TSPAN15: variants seen among roughly 807,000 people sequenced by gnomAD.
The protein encoded by TSPAN15 is tetraspanin-15.
Under a neutral mutation model 34.5 loss-of-function variants are expected in TSPAN15, and 20 were observed. The ratio of observed to expected loss-of-function variants is 0.58; its 90% CI spans 0.41 to 0.84. The LOEUF (loss-of-function observed/expected upper bound fraction) is 0.84, where lower values mean the gene tolerates loss of function less well. Ranked by LOEUF, TSPAN15 falls within the 40% of genes least tolerant of loss-of-function variation. TSPAN15 has a pLI of 0.00. For missense variants in TSPAN15, 313 were observed against 386.1 expected (o/e 0.81, Z 1.59); for synonymous variants, 155 against 153.9 (o/e 1.01, Z -0.05).
intron 1 of TSPAN15, among the ~76,000 whole-genome samples, chr10:69,456,552 A>T (rs568114717): frequency 1.3e-5 from 2 of 152,316 alleles, no homozygotes; most frequent in African/African-American, 4.8e-5. Flanking sequence ...GGAAACCAAG[A>T]CGCCCATCAT....
intron 5 of TSPAN15, among the ~76,000 whole-genome samples, chr10:69,501,388 G>A (rs1416970305): frequency 2.0e-5 from 3 of 152,198 alleles, no homozygotes; most frequent in Non-Finnish European, 2.9e-5. Context: ...TGACCATTGA[G>A]TCTCCCTGTG....
At chr10:69,500,530 GT>G (rs1842183461) in intron 5 of TSPAN15, among the ~76,000 whole-genome samples, 1 of 152,202 alleles carries the variant, frequency 6.6e-6, no homozygotes, top group African/African-American at 2.4e-5. Context: ...AGAGCTGAGG[GT>G]GGAGTTCCCA....
At chr10:69,507,775 G>A, downstream of TSPAN15, 1 of 686,344 alleles carries the variant, frequency 1.5e-6, no homozygotes, top group Non-Finnish European at 2.0e-6. Context: ...TGCATGGGGT[G>A]AAGATTTGGC....
intron 1 of TSPAN15, among the ~76,000 whole-genome samples, chr10:69,477,196 A>G (rs1841633643): frequency 2.6e-5 from 4 of 151,976 alleles, no homozygotes; most frequent in Admixed American, 2.6e-4. Context: ...GTACAGTGGC[A>G]CAATCTTGGC....
intron 3 of TSPAN15, among the ~76,000 whole-genome samples, chr10:69,494,279 C>T (rs919726656): frequency 4.6e-5 from 7 of 152,136 alleles, no homozygotes; most frequent in Non-Finnish European, 5.9e-5. Context: ...CCACCAATGA[C>T]GTGGGTGTGA....
chr10:69,489,388 C>T lies in TSPAN15; in HGVS notation c.357+4173C>T, dbSNP rs567161495. On this transcript the variant is annotated intron_variant, in intron 3 of 7. Transcript: ENST00000373290. ...CAACTTGTACAGTTAACACAATTAT[C>T]GTAGTGGCCGTAAGGTGACATACAT... Among the ~76,000 whole-genome samples, 97 of 152,264 alleles carry T rather than the reference C, an allele frequency of 6.4e-4. 4 individuals carry two copies. In the South Asian group the frequency reaches 0.019, roughly 30 times the overall value.
At chr10:69,470,961 T>A (rs1158856051) in intron 1 of TSPAN15, among the ~76,000 whole-genome samples, 1 of 152,170 alleles carries the variant, frequency 6.6e-6, no homozygotes, top group Non-Finnish European at 1.5e-5. Flanking sequence ...CTTATTCATG[T>A]ATCCGTGTGG....
At chr10:69,469,926 C>T (rs1033804481) in intron 1 of TSPAN15, among the ~76,000 whole-genome samples, 1 of 152,144 alleles carries the variant, frequency 6.6e-6, no homozygotes, top group South Asian at 2.1e-4. Context: ...TTAAATTGTA[C>T]GACACCCAGC....
the TSPAN15 span, among the ~76,000 whole-genome samples, chr10:69,523,902 A>G: frequency 1.4e-5 from 2 of 147,574 alleles, 1 homozygote; most frequent in East Asian, 5.0e-4. Context: ...CTTTTTCTAT[A>G]CTTTTAGACT....
In TSPAN15 at chr10:69,506,864, C is replaced by T. The variant is rs747789673; in HGVS notation, c.771C>T (p.Thr257=). ...LGVLLTLLYI[T]RVEDIIMEHS... ...TGCTGCTGACGCTGCTGTACATCACCCGGGTGGAGGACATCATCATGGAGC... is the reference window on the plus strand; with the variant it reads ...TGCTGCTGACGCTGCTGTACATCACTCGGGTGGAGGACATCATCATGGAGC... The change falls in exon 8 of 8, where the codon ACC becomes ACT. Residue 257 remains threonine (T), a synonymous_variant. Transcript: ENST00000373290. This position sits in a 1 kb window ranked among gnomAD's most constrained non-coding sequence, Gnocchi z 4.7. 2.5e-6 allele frequency: 4 copies of T among 1,598,490 alleles called. No homozygotes were observed. Among genetic ancestry groups the T allele is most frequent in the Non-Finnish European group, 3.4e-6 (4 of 1,173,046 alleles).
At chr10:69,496,749 G>A (rs144352391) in intron 4 of TSPAN15, among the ~76,000 whole-genome samples, 93 of 152,330 alleles carry the variant, frequency 6.1e-4, no homozygotes, top group Admixed American at 2.4e-3. Flanking sequence ...TGCTGTGGCC[G>A]CTCCCTTGGC....
intron 1 of TSPAN15, among the ~76,000 whole-genome samples, chr10:69,462,155 G>GTTTTTTTTTTTT (rs755068937): frequency 1.2e-4 from 10 of 82,712 alleles, no homozygotes; most frequent in African/African-American, 4.1e-4. Flanking sequence ...TAATTTTAAA[G>GTTTTTTTTTTTT]TTTTTTTTTT....
chr10:69,518,301 C>G, the TSPAN15 span, among the ~76,000 whole-genome samples: 1 of 152,250 alleles, frequency 6.6e-6, no homozygotes. Flanking sequence ...TGAGAACACA[C>G]AAGGACAAGG....
At chr10:69,530,846 A>T in the TSPAN15 span, among the ~76,000 whole-genome samples, 52 of 125,904 alleles carry the variant, frequency 4.1e-4, 1 homozygote, top group African/African-American at 1.4e-3. Context: ...ATATATATAT[A>T]TATATATATA....
At chr10:69,512,225 A>G (rs1205680839), downstream of TSPAN15, among the ~76,000 whole-genome samples, 7 of 152,238 alleles carry the variant, frequency 4.6e-5, no homozygotes, top group Non-Finnish European at 1.0e-4. Context: ...TCTCACAAGG[A>G]TGGAACCATA....
At chr10:69,547,829 TGA>T in the TSPAN15 span, among the ~76,000 whole-genome samples, 1 of 152,208 alleles carries the variant, frequency 6.6e-6, no homozygotes, top group Non-Finnish European at 1.5e-5. Flanking sequence ...CAGAGATGGG[TGA>T]AGAGTAGATG....
downstream of TSPAN15, among the ~76,000 whole-genome samples, chr10:69,508,184 C>CT (rs566780532): frequency 1.5e-3 from 235 of 152,216 alleles, 1 homozygote; most frequent in Non-Finnish European, 2.6e-3. Context: ...TGGCTCACGC[C>CT]TGTAACCCCA....
At chr10:69,549,480 G>T in the TSPAN15 span, among the ~76,000 whole-genome samples, 1 of 152,134 alleles carries the variant, frequency 6.6e-6, no homozygotes, top group African/African-American at 2.4e-5. Flanking sequence ...CTGTTAATAA[G>T]TCCCTATTAA....
intron 1 of TSPAN15, among the ~76,000 whole-genome samples, chr10:69,456,518 G>A (rs1236717067): frequency 6.6e-6 from 1 of 151,978 alleles, no homozygotes; most frequent in African/African-American, 2.4e-5. Context: ...TTTAAAAGGA[G>A]GCTTTATATC....
Sources: allele counts gnomAD v4.1 joint callset (sites outside exome capture counted in the v4.1 genomes callset), GRCh38; gene constraint gnomAD v4.1.1; non-coding constraint Gnocchi (gnomAD v3.1); transcripts MANE v1.5; gene names NCBI Gene and HGNC (gene_info 2026-07-23, HGNC 2026-07-21).